RGPD3: variants seen among roughly 807,000 people sequenced by gnomAD.
RGPD3 encodes RANBP2 like and GRIP domain containing 3.
RGPD3 carries 62 observed loss-of-function variants against 154.5 expected under a neutral mutation model. The ratio of observed to expected loss-of-function variants is 0.40; its 90% confidence interval spans 0.33 to 0.50. RGPD3 has a LOEUF of 0.50. Ranked by LOEUF, RGPD3 falls within the 20% of genes least tolerant of loss-of-function variation. RGPD3 has a pLI of 0.59. For synonymous variants in RGPD3, 308 were observed against 607.0 expected (o/e 0.51, Z 7.24); for missense variants, 919 against 1,716.8 (o/e 0.54, Z 8.21).
intron 17 of RGPD3, among the ~76,000 whole-genome samples, chr2:106,430,202 G>T (rs1399410742): frequency 6.6e-6 from 1 of 151,006 alleles, no homozygotes. Context: ...TCTTTTGAAA[G>T]TTTCTATTTG....
At chr2:106,406,252 GCA>G (rs1676512167) in intron 22 of RGPD3, among the ~76,000 whole-genome samples, 1 of 149,966 alleles carries the variant, frequency 6.7e-6, no homozygotes, top group Admixed American at 6.7e-5. Context: ...CTTGACAAAT[GCA>G]CAGTTACGTA....
In RGPD3 at chr2:106,424,630, A is replaced by G; in HGVS notation, c.3337T>C (p.Trp1113Arg). The G allele has an allele frequency of 6.2e-7, 1 of 1,611,902 alleles. No homozygotes were observed. Among genetic ancestry groups the G allele is most frequent in the Non-Finnish European group, 8.5e-7 (1 of 1,179,844 alleles). The change falls in exon 20 of 23, where the codon TGG (tryptophan) becomes CGG (arginine). Residue 1113 changes from tryptophan to arginine, a missense_variant. By Grantham distance (101) the Trp-to-Arg change is moderately radical. Coordinates refer to ENST00000409886, the MANE Select transcript of RGPD3 (RefSeq NM_001144013.2). ...TTCAGGTTCATTGTAGTCGTTATCC[A>G]ATGATTAGCACACACTTTTAGTACT... Reference protein sequence around the residue: ...EQVLKVCANHWITTTMNLKPL... With the variant: ...EQVLKVCANHRITTTMNLKPL...
intron 1 of RGPD3, among the ~76,000 whole-genome samples, chr2:106,466,552 A>G (rs1201266616): frequency 2.6e-5 from 3 of 116,902 alleles, no homozygotes; most frequent in African/African-American, 6.7e-5. Context: ...CCGCAGGGCC[A>G]GGTCGAGGCC....
Position 106,432,983 on chromosome 2 carries a change from A to G in RGPD3, c.2421T>C (p.Asp807=), listed in dbSNP as rs1278659047. 6.2e-7 allele frequency: 1 copy of G among 1,608,008 alleles called. No individual in the cohort carries two copies. Among genetic ancestry groups the G allele is most frequent in the Non-Finnish European group, 8.5e-7 (1 of 1,179,150 alleles). ...GAATCATTTTCAGTAAAGAATTCTG[A>G]TCTTCTGCCCATCGAGGTGGTGTTT... ...SPKTPPRWAE[D]QNSLLKMIRQ... Residue 807 remains aspartate, a synonymous_variant, in exon 17 of 23, where the codon GAT becomes GAC. Coordinates refer to ENST00000409886, the MANE Select transcript of RGPD3 (RefSeq NM_001144013.2).
At chr2:106,420,821 G>A (rs1343162004) in intron 20 of RGPD3, among the ~76,000 whole-genome samples, 5 of 152,354 alleles carry the variant, frequency 3.3e-5, no homozygotes, top group African/African-American at 1.2e-4. Flanking sequence ...GTCACCCAGA[G>A]CTGGAGTGCA....
chr2:106,438,034 G>A (rs1478799322), intron 9 of RGPD3, among the ~76,000 whole-genome samples: 12 of 152,214 alleles, frequency 7.9e-5, no homozygotes, highest in Admixed American at 7.2e-4. Flanking sequence ...CGGTTGAAGC[G>A]ATTCTCCTGC....
intron 6 of RGPD3, among the ~76,000 whole-genome samples, chr2:106,450,559 GC>G (rs1463028622): frequency 2.2e-5 from 3 of 136,364 alleles, no homozygotes; most frequent in African/African-American, 8.1e-5. Context: ...TGTCCTCAGG[GC>G]CCTCCTGGGG....
At chr2:106,442,001 G>A (rs1407053605) in intron 7 of RGPD3, among the ~76,000 whole-genome samples, 1 of 136,082 alleles carries the variant, frequency 7.3e-6, no homozygotes. Context: ...ACAACACGGT[G>A]AGACCCTATC....
chr2:106,424,287 C>A lies in RGPD3; in HGVS notation c.3680G>T (p.Gly1227Val), dbSNP rs768475707. 6.2e-6 allele frequency: 10 copies of A among 1,611,976 alleles called. No homozygotes were observed. The South Asian group carries it at 9.9e-5, about 16-fold the overall frequency. ...AEEENKGSGTGAAGASDTTIK... is the reference protein window; with the variant it reads ...AEEENKGSGTVAAGASDTTIK... ...TGTTGTGTCTGAGGCACCGGCCGCA[C>A]CTGTACCTGAACCCTTATTTTCTTC... The change falls in exon 20 of 23, where the codon GGT becomes GTT. Residue 1227 changes from glycine (G) to valine (V), a missense_variant. Coordinates refer to ENST00000409886, the MANE Select transcript of RGPD3 (RefSeq NM_001144013.2).
In RGPD3 at chr2:106,425,082, A is replaced by C. The variant is rs1256208534; in HGVS notation, c.2885T>G (p.Ile962Ser). Residue 962 changes from isoleucine (I) to serine (S), a missense_variant, in exon 20 of 23, where the codon ATT becomes AGT. By Grantham distance (142) the Ile-to-Ser change is moderately radical (BLOSUM62 -2). Transcript: ENST00000409886. ...AAAAGTGCTACTTGTTTGGCCAAAA[A>C]TCACACCACGGCCCTTCTTCCGGCC... is the stretch of plus-strand genomic sequence containing the variant. ...ISGRKKGRGV[I>S]FGQTSSTFTF... 2 of 1,611,952 alleles carry C rather than the reference A, an allele frequency of 1.2e-6. No individual in the cohort carries two copies.
intron 1 of RGPD3, among the ~76,000 whole-genome samples, chr2:106,467,793 C>G (rs1181438301): frequency 4.4e-5 from 6 of 135,966 alleles, no homozygotes; most frequent in Non-Finnish European, 6.3e-5. Flanking sequence ...AGGCAGCCGC[C>G]GGGCCAGGTC....
upstream of RGPD3, among the ~76,000 whole-genome samples, chr2:106,469,280 A>C (rs1464954391): frequency 6.8e-6 from 1 of 146,262 alleles, no homozygotes. Flanking sequence ...CCAATGTGTT[A>C]GACTATCATT....
rs757754989 is a variant in RGPD3 at position 106,424,703 on chromosome 2, G to T, written c.3264C>A (p.Leu1088=). 4.3e-6 allele frequency: 7 copies of T among 1,611,816 alleles called. No homozygotes were observed. The highest frequency in any genetic ancestry group is 1.1e-5 in the South Asian group (1 of 90,988). Residue 1088 remains leucine, a synonymous_variant, in exon 20 of 23, where the codon CTC becomes CTA. Transcript: ENST00000409886. ...TTACTTTGCCATTGACCTCGTTTTT[G>T]AGAATTTTTAAGTTCCCCAAGCCCC... ...KERGLGNLKI[L]KNEVNGKVRM...
chr2:106,416,009 G>T lies in RGPD3; in HGVS notation c.4925-20C>A, dbSNP rs1323896528. On this transcript the variant is annotated intron_variant, in intron 20 of 22. Transcript: ENST00000409886. ...GAGGCTCTGCAACATGTTGTTCCAA[G>T]AATTAATTTTCAAAATCATACATTA... 5 of 1,611,100 alleles carry T rather than the reference G, an allele frequency of 3.1e-6. No individual in the cohort carries two copies. In the African/African-American group the frequency reaches 4.0e-5, roughly 13 times the overall value.
intron 22 of RGPD3, among the ~76,000 whole-genome samples, chr2:106,408,850 C>A (rs1254762539): frequency 6.6e-6 from 1 of 151,346 alleles, no homozygotes; most frequent in Non-Finnish European, 1.5e-5. Context: ...CCAGAACGGG[C>A]ATATTTTAAA....
At chr2:106,414,203 CT>C (rs1676752517) in intron 21 of RGPD3, among the ~76,000 whole-genome samples, 1 of 151,974 alleles carries the variant, frequency 6.6e-6, no homozygotes, top group Admixed American at 6.6e-5. Flanking sequence ...CAAGCCATAG[CT>C]TTTAGTATAT....
At chr2:106,450,902 G>A (rs913176486) in intron 6 of RGPD3, among the ~76,000 whole-genome samples, 1 of 89,312 alleles carries the variant, frequency 1.1e-5, no homozygotes, top group Admixed American at 1.3e-4. Flanking sequence ...GAGAGATTGA[G>A]ACCATCCTGA....
At chr2:106,446,680 C>T (rs1270185883) in intron 7 of RGPD3, among the ~76,000 whole-genome samples, 2 of 139,670 alleles carry the variant, frequency 1.4e-5, no homozygotes, top group Non-Finnish European at 3.1e-5. Flanking sequence ...CAAGAGATTG[C>T]GACCATCCTG....
intron 9 of RGPD3, among the ~76,000 whole-genome samples, chr2:106,438,257 G>A (rs986396563): frequency 1.3e-5 from 2 of 152,092 alleles, no homozygotes; most frequent in African/African-American, 4.8e-5. Flanking sequence ...GGCTTAGGCA[G>A]GAGGATCACT....
Sources: gnomAD v4.1 joint callset for allele counts (sites outside exome capture counted in the v4.1 genomes callset) on GRCh38, gnomAD v4.1.1 for gene constraint, MANE v1.5 for transcripts, NCBI Gene and HGNC (gene_info 2026-07-23, HGNC 2026-07-21) for gene names.